Variants in FGF18 observed in about 807,000 individuals in gnomAD.
The protein encoded by FGF18 is fibroblast growth factor 18.
Under a neutral mutation model 23.0 loss-of-function variants are expected in FGF18, and 5 were observed. The observed-to-expected ratio is 0.22, with a 90% CI of 0.11 to 0.46. The LOEUF is 0.46. Ranked by LOEUF, FGF18 falls within the 20% of genes least tolerant of loss-of-function variation. The pLI, the probability that FGF18 is intolerant of heterozygous loss-of-function variation, is 0.99. For synonymous variants in FGF18, 117 were observed against 118.9 expected, an observed-to-expected ratio of 0.98 and a Z score of 0.10; for missense variants, 180 against 291.6, an observed-to-expected ratio of 0.62 and a Z score of 2.79.
chr5:171,441,947 A>G (rs1296430312), intron 3 of FGF18, among the ~76,000 whole-genome samples: 1 of 152,050 alleles, frequency 6.6e-6, no homozygotes, highest in Non-Finnish European at 1.5e-5. Flanking sequence ...CTATCCGGCC[A>G]GGCTTGCACT....
chr5:171,430,290 G>A (rs922216807), intron 2 of FGF18, among the ~76,000 whole-genome samples: 6 of 150,028 alleles, frequency 4.0e-5, no homozygotes, highest in East Asian at 4.0e-4. Context: ...CCCAGGTGGC[G>A]GAGATTGCAG....
At chr5:171,441,146 C>T (rs1359594916) in intron 3 of FGF18, among the ~76,000 whole-genome samples, 3 of 152,170 alleles carry the variant, frequency 2.0e-5, no homozygotes, top group Non-Finnish European at 2.9e-5. Flanking sequence ...GGAGTCCTCT[C>T]GTCCCCATTT....
chr5:171,437,236 C>G (rs191378254), intron 3 of FGF18, among the ~76,000 whole-genome samples: 48 of 152,338 alleles, frequency 3.2e-4, no homozygotes, highest in African/African-American at 1.1e-3. Context: ...TGCCTGCCAA[C>G]CCTGCCCGTT....
chr5:171,444,359 G>T (rs1469478895), intron 3 of FGF18, among the ~76,000 whole-genome samples: 2 of 152,150 alleles, frequency 1.3e-5, no homozygotes, highest in African/African-American at 4.8e-5. Context: ...TGTGACTGTG[G>T]GACTCGGTTT....
chr5:171,454,455 C>T (rs1239051369), intron 4 of FGF18, among the ~76,000 whole-genome samples: 2 of 152,200 alleles, frequency 1.3e-5, no homozygotes, highest in Non-Finnish European at 2.9e-5. Flanking sequence ...CCCTGGCTTT[C>T]CTCACAGTAG....
intron 3 of FGF18, among the ~76,000 whole-genome samples, chr5:171,438,980 T>A (rs1772295353): frequency 6.6e-6 from 1 of 151,830 alleles, no homozygotes; most frequent in Non-Finnish European, 1.5e-5. Flanking sequence ...TACCACACAC[T>A]TTGTCAGAAT....
intron 4 of FGF18, among the ~76,000 whole-genome samples, chr5:171,454,701 G>T (rs1184737664): frequency 1.3e-5 from 2 of 152,228 alleles, no homozygotes; most frequent in African/African-American, 4.8e-5. Context: ...CAAACAAAAG[G>T]CTGGAACTCG....
chr5:171,442,180 A>G (rs911733968), intron 3 of FGF18, among the ~76,000 whole-genome samples: 1 of 152,168 alleles, frequency 6.6e-6, no homozygotes, highest in Non-Finnish European at 1.5e-5. Context: ...GATGAACCCT[A>G]TTGGTTTTTC....
Position 171,456,905 on chromosome 5 carries a change from C to G in FGF18, c.*100C>G. The stretch of plus-strand genomic sequence containing the variant: ...TTACATGAAAAATAAGGAAGAAGCT[C>G]TATTTTTGTACATTGTGTTTAAAAG... On this transcript the variant is annotated 3_prime_UTR_variant, in exon 5 of 5. Transcript: ENST00000274625. This position sits in a 1 kb window ranked among gnomAD's most constrained non-coding sequence, Gnocchi z 6.1. 2 of 1,402,236 alleles carry G rather than the reference C, an allele frequency of 1.4e-6. No homozygotes were observed. Among genetic ancestry groups the G allele is most frequent in the Non-Finnish European group, 9.6e-7 (1 of 1,042,116 alleles). The allele number at this position is 1,402,236 out of a possible 1,614,324, so 86.9% of individuals were successfully genotyped here.
chr5:171,421,077 C>G (rs1306440282), intron 2 of FGF18, among the ~76,000 whole-genome samples: 1 of 152,242 alleles, frequency 6.6e-6, no homozygotes, highest in Non-Finnish European at 1.5e-5. Context: ...CGCCTGCTCC[C>G]GGTTCGCTCG....
chr5:171,425,041 C>T (rs533712862), intron 2 of FGF18, among the ~76,000 whole-genome samples: 66 of 152,310 alleles, frequency 4.3e-4, no homozygotes, highest in Admixed American at 8.5e-4. Flanking sequence ...GCTCCAAGGA[C>T]GCACTGGACC....
At position 171,452,763 on chromosome 5, in the gene FGF18, G is replaced by A. The variant is rs199681615; in HGVS notation, c.357+3510G>A. On this transcript the variant is annotated intron_variant, in intron 4 of 4. Coordinates refer to ENST00000274625, the MANE Select transcript of FGF18 (RefSeq NM_003862.3). ...ACAGACCTTTTCAGGGCAGGGGAGT[G>A]CTCTGCCCACCAGCACATCTTTGTT... Among the ~76,000 whole-genome samples the A allele has an allele frequency of 7.2e-5, 11 of 152,284 alleles. No homozygotes were observed. In the East Asian group the frequency reaches 1.9e-3, roughly 27 times the overall value.
At position 171,451,643 on chromosome 5, in the gene FGF18, C is replaced by T. The variant is rs1194695663; in HGVS notation, c.357+2390C>T. Among the ~76,000 whole-genome samples, 2 of 152,212 alleles carry T rather than the reference C, an allele frequency of 1.3e-5. No individual in the cohort carries two copies. The highest frequency in any genetic ancestry group is 2.4e-5 in the African/African-American group (1 of 41,458). ...GGCGGCACATGACCTGCCCTCCACC[C>T]CCACCCAGCTCCAAACCCATCCATG... On this transcript the variant is annotated intron_variant, in intron 4 of 4. Coordinates refer to ENST00000274625, the MANE Select transcript of FGF18 (RefSeq NM_003862.3). This position sits in a 1 kb window ranked among gnomAD's most constrained non-coding sequence, Gnocchi z 4.5.
chr5:171,452,076 A>G (rs941046678), intron 4 of FGF18, among the ~76,000 whole-genome samples: 3 of 152,180 alleles, frequency 2.0e-5, no homozygotes. Flanking sequence ...AAATAGAAAC[A>G]TGGTTCCTGC....
chr5:171,425,529 CT>C lies in FGF18; in HGVS notation c.69+5105del, dbSNP rs77671680. ...AGCCACTGCACCTGGCCGCCATGTGCTTTTTTTTTTTTTTTTTTTGAGATGG... is the reference window on the plus strand; with the variant it reads ...AGCCACTGCACCTGGCCGCCATGTGCTTTTTTTTTTTTTTTTTTGAGATGG... On this transcript the variant is annotated intron_variant, in intron 2 of 4. Transcript: ENST00000274625. Among the ~76,000 whole-genome samples, 360 of 106,204 alleles carry C rather than the reference CT, an allele frequency of 3.4e-3. 1 individual carries two copies. Among genetic ancestry groups the C allele is most frequent in the African/African-American group, 8.5e-3 (238 of 28,134 alleles). The allele number at this position is 106,204 out of a possible 152,430, so 69.7% of individuals were successfully genotyped here. A position where few individuals can be genotyped will look rare whatever the true frequency, so the allele number is the denominator to read the frequency against.
Position 171,440,225 on chromosome 5 carries a change from TGG to T in FGF18, c.250+3960_250+3961del, listed in dbSNP as rs61100768. 2.7e-5 allele frequency among the ~76,000 whole-genome samples: 4 copies of T among 150,788 alleles called. No homozygotes were observed. Among genetic ancestry groups the T allele is most frequent in the Non-Finnish European group, 4.4e-5 (3 of 67,664 alleles). On this transcript the variant is annotated intron_variant, in intron 3 of 4. Coordinates refer to ENST00000274625, the MANE Select transcript of FGF18 (RefSeq NM_003862.3). This position sits in a 1 kb window ranked among gnomAD's most constrained non-coding sequence, Gnocchi z 4.0. Reference sequence around the variant, plus strand: ...ACCTGACCTCCTTACTATGGGTGTGTGGGGGGGGGTGGTGCCATCGCGGGCTC... The same window carrying T: ...ACCTGACCTCCTTACTATGGGTGTGTGGGGGGGTGGTGCCATCGCGGGCTC...
At chr5:171,420,353 C>G in intron 1 of FGF18, 54 bp from the exon 2 acceptor site, 1 of 1,608,370 alleles carries the variant, frequency 6.2e-7, no homozygotes, top group South Asian at 1.1e-5. Flanking sequence ...TCTGTCTGTC[C>G]GTGCGCCCCC....
intron 3 of FGF18, among the ~76,000 whole-genome samples, chr5:171,441,933 C>T (rs890348458): frequency 2.0e-5 from 3 of 152,120 alleles, no homozygotes; most frequent in Admixed American, 1.3e-4. Context: ...ACCACCCTTC[C>T]TTTCTATCCG....
chr5:171,423,513 G>T (rs879597726), intron 2 of FGF18, among the ~76,000 whole-genome samples: 46 of 152,138 alleles, frequency 3.0e-4, no homozygotes, highest in Non-Finnish European at 5.0e-4. Flanking sequence ...TCGGCGGGGT[G>T]GGGGGGCATC....
Sources: gnomAD v4.1 joint callset for allele counts (sites outside exome capture counted in the v4.1 genomes callset) on GRCh38, gnomAD v4.1.1 for gene constraint, Gnocchi (gnomAD v3.1) non-coding constraint, MANE v1.5 for transcripts, NCBI Gene and HGNC (gene_info 2026-07-23, HGNC 2026-07-21) for gene names.